The following ADAM10 variants were observed in gnomAD, a reference collection of about 807,000 sequenced individuals.
The protein encoded by ADAM10 is disintegrin and metalloproteinase domain-containing protein 10.
A neutral mutation model predicts 90.1 loss-of-function variants in ADAM10; 17 were observed. That is an observed-to-expected ratio of 0.19 (90% CI 0.13 to 0.28). The LOEUF is 0.28. ADAM10 is among the 10% of genes least tolerant of loss of function. ADAM10 has a pLI of 1.00. For synonymous variants in ADAM10, 310 were observed against 298.6 expected (o/e 1.04, Z -0.40); for missense variants, 610 against 914.3 (o/e 0.67, Z 4.29).
chr15:58,637,555 T>C (rs1896293580), intron 8 of ADAM10, among the ~76,000 whole-genome samples: 2 of 152,200 alleles, frequency 1.3e-5, no homozygotes, highest in Non-Finnish European at 2.9e-5. Context: ...CAAAATATTA[T>C]AGCTTAGTAT....
At position 58,684,562 on chromosome 15, in the gene ADAM10, T is replaced by G. The variant is rs188366833; in HGVS notation, c.207-2248A>C. On this transcript the variant is annotated intron_variant, in intron 2 of 15. Coordinates refer to ENST00000260408, the MANE Select transcript of ADAM10 (RefSeq NM_001110.4). Reference sequence around the variant, plus strand: ...AGCTTCCAGGGTTGAACACACTGAGTTGATTGGAGGGTAGTGAACCCAGAG... The same window carrying G: ...AGCTTCCAGGGTTGAACACACTGAGGTGATTGGAGGGTAGTGAACCCAGAG... Among the ~76,000 whole-genome samples the G allele has an allele frequency of 7.7e-4, 118 of 152,272 alleles. 2 individuals are homozygous for G. In the East Asian group the frequency reaches 0.021, roughly 27 times the overall value.
intron 8 of ADAM10, 33 bp downstream of exon 8, chr15:58,640,744 G>T: frequency 1.9e-6 from 3 of 1,599,198 alleles, no homozygotes; most frequent in Admixed American, 1.7e-5. Context: ...GTTTCAAGTA[G>T]TAAGTTAAGA....
At chr15:58,728,433 C>G (rs1453270003) in intron 1 of ADAM10, among the ~76,000 whole-genome samples, 2 of 151,840 alleles carry the variant, frequency 1.3e-5, no homozygotes, top group Non-Finnish European at 2.9e-5. Flanking sequence ...ATAAAGCTGA[C>G]TAGATTTTTT....
intron 2 of ADAM10, among the ~76,000 whole-genome samples, chr15:58,703,100 A>G (rs140981240): frequency 9.6e-4 from 146 of 152,282 alleles, no homozygotes; most frequent in African/African-American, 3.3e-3. Context: ...AATAATAATA[A>G]AAAGTAGCTG....
chr15:58,615,911 GGCA>G (rs1298349474), intron 11 of ADAM10, among the ~76,000 whole-genome samples: 1 of 152,098 alleles, frequency 6.6e-6, no homozygotes, highest in Non-Finnish European at 1.5e-5. Context: ...GGGAGGCTGA[GGCA>G]GGAGAATCGC....
intron 5 of ADAM10, among the ~76,000 whole-genome samples, chr15:58,660,956 A>T (rs542859327): frequency 6.6e-6 from 1 of 152,270 alleles, no homozygotes; most frequent in East Asian, 1.9e-4. Context: ...TACTTACAAA[A>T]GCAAACATCT....
rs1894804531 is a variant in ADAM10, at chr15:58,590,596, C to A, written c.*6951G>T. ...TCACTTCACTTAATTACAGATGCTACTAGCAGATACTTAAGAAAAATGAAA... is the reference window on the plus strand; with the variant it reads ...TCACTTCACTTAATTACAGATGCTAATAGCAGATACTTAAGAAAAATGAAA... On this transcript the variant is annotated 3_prime_UTR_variant, in exon 16 of 16. Coordinates refer to ENST00000260408, the MANE Select transcript of ADAM10 (RefSeq NM_001110.4). The A allele has an allele frequency of 6.6e-6, 1 of 152,154 alleles. No individual in the cohort carries two copies. The highest frequency in any genetic ancestry group is 1.5e-5 in the Non-Finnish European group (1 of 68,034). 9.4% of individuals were successfully genotyped at this position (152,154 alleles called of 1,614,324 possible). A position where few individuals can be genotyped will look rare whatever the true frequency, so the allele number is the denominator to read the frequency against.
At chr15:58,697,837 G>A (rs1405272783) in intron 2 of ADAM10, among the ~76,000 whole-genome samples, 2 of 152,076 alleles carry the variant, frequency 1.3e-5, no homozygotes, top group Non-Finnish European at 2.9e-5. Context: ...TGGTGAACCT[G>A]TCCCCAGCTA....
rs549741862 is a variant in ADAM10, at chr15:58,666,024, A to G, written c.485-827T>C. ...CTTGTCACTATTGATAACTGAAAGC[A>G]CTTCATAATCTCAACTTCTAGTATT... On this transcript the variant is annotated intron_variant, in intron 4 of 15. Transcript: ENST00000260408. Among the ~76,000 whole-genome samples the G allele has an allele frequency of 2.7e-4, 41 of 151,680 alleles. 3 individuals are homozygous for G. In the South Asian group the frequency reaches 8.4e-3, roughly 31 times the overall value.
intron 5 of ADAM10, among the ~76,000 whole-genome samples, chr15:58,655,706 A>ATGC (rs1566982298): frequency 1.8e-5 from 1 of 56,900 alleles, no homozygotes; most frequent in African/African-American, 1.5e-4. Flanking sequence ...GTATATATAT[A>ATGC]TATAGTATAT....
Position 58,640,017 on chromosome 15 carries a change from T to C in ADAM10, c.1012+760A>G, listed in dbSNP as rs540879374. Among the ~76,000 whole-genome samples the C allele has an allele frequency of 3.3e-5, 5 of 152,294 alleles. No individual in the cohort carries two copies. In the East Asian group the frequency reaches 9.7e-4, roughly 29 times the overall value. The stretch of plus-strand genomic sequence containing the variant: ...TTTATATTCAAAGAGCCTGGGGTCC[T>C]TTCCACTCATCTTTCAATTAATAAA... On this transcript the variant is annotated intron_variant, in intron 8 of 15. Transcript: ENST00000260408.
intron 1 of ADAM10, among the ~76,000 whole-genome samples, chr15:58,734,578 T>A (rs1899365469): frequency 6.6e-6 from 1 of 151,846 alleles, no homozygotes; most frequent in Non-Finnish European, 1.5e-5. Context: ...CATGCACCTG[T>A]CATCCCAGCT....
At chr15:58,698,188 T>A (rs968720855) in intron 2 of ADAM10, 2 of 356,802 alleles carry the variant, frequency 5.6e-6, no homozygotes, top group Non-Finnish European at 1.1e-5. Flanking sequence ...AGAAAAAGAA[T>A]TCAAAATAAT....
Position 58,599,669 on chromosome 15 carries a change from C to T in ADAM10, c.2081G>A (p.Gly694Glu). ...ATGAACACTGCATATCTTAATAAATCCAGCCATTAGCATGATCAGAGCAAT... is the reference window on the plus strand; with the variant it reads ...ATGAACACTGCATATCTTAATAAATTCAGCCATTAGCATGATCAGAGCAAT... Reference protein sequence around the residue: ...MGIALIMLMAGFIKICSVHTP... With the variant: ...MGIALIMLMAEFIKICSVHTP... Residue 694 changes from glycine to glutamate, a missense_variant, in exon 15 of 16, where the codon GGA becomes GAA. This residue lies in a region of ADAM10 where 150 missense variants were observed against 268.5 expected (regional missense o/e 0.56). Coordinates refer to ENST00000260408, the MANE Select transcript of ADAM10 (RefSeq NM_001110.4). 1 of 1,613,274 alleles carries T rather than the reference C, an allele frequency of 6.2e-7. No homozygotes were observed. The highest frequency in any genetic ancestry group is 8.5e-7 in the Non-Finnish European group (1 of 1,179,696).
In ADAM10 at chr15:58,690,956, G is replaced by C. The variant is rs1208147178; in HGVS notation, c.207-8642C>G. The C allele has an allele frequency of 8.7e-6, 4 of 458,178 alleles. No individual in the cohort carries two copies. In the East Asian group the frequency reaches 2.0e-4, roughly 23 times the overall value. The allele number at this position is 458,178 out of a possible 1,614,324, so 28.4% of individuals were successfully genotyped here. ...CCACCGGGTCACTGACAGCCTCGTT[G>C]TTCTTGTCTGCCTCAGCCTTCTGCT... is the stretch of plus-strand genomic sequence containing the variant. On this transcript the variant is annotated intron_variant, in intron 2 of 15. Transcript: ENST00000260408.
At chr15:58,648,188 A>G (rs950266327) in intron 5 of ADAM10, among the ~76,000 whole-genome samples, 1 of 152,218 alleles carries the variant, frequency 6.6e-6, no homozygotes, top group East Asian at 1.9e-4. Flanking sequence ...ATATATACAC[A>G]ATAAAACTTA....
At chr15:58,682,807 T>C (rs1897475525) in intron 2 of ADAM10, among the ~76,000 whole-genome samples, 1 of 152,194 alleles carries the variant, frequency 6.6e-6, no homozygotes, top group East Asian at 1.9e-4. Flanking sequence ...CTCTTTGTTT[T>C]ACCCTGGGGC....
chr15:58,727,192 TTTTTTTTTTTTTTC>T (rs1567014676), intron 1 of ADAM10, among the ~76,000 whole-genome samples: 1 of 124,746 alleles, frequency 8.0e-6, no homozygotes, highest in Non-Finnish European at 1.6e-5. Context: ...TTTTTTTTTT[TTTTTTTTTTTTTTC>T]CCAAAAACAG....
chr15:58,651,440 T>C (rs1402190617), intron 5 of ADAM10, among the ~76,000 whole-genome samples: 1 of 152,132 alleles, frequency 6.6e-6, no homozygotes, highest in African/African-American at 2.4e-5. Flanking sequence ...TAACCATCCT[T>C]CTACTCTCTA....
Sources: gnomAD v4.1 joint callset for allele counts (sites outside exome capture counted in the v4.1 genomes callset) on GRCh38, gnomAD v4.1.1 for gene constraint, gnomAD v4.1.1 regional missense constraint, MANE v1.5 for transcripts, NCBI Gene and HGNC (gene_info 2026-07-23, HGNC 2026-07-21) for gene names.